The following USP6NL variants were observed in gnomAD, a reference collection of about 807,000 sequenced individuals.
USP6NL encodes USP6 N-terminal like.
In USP6NL, 26 loss-of-function variants were observed where a neutral mutation model predicts 61.9. The observed-to-expected ratio is 0.42, with a 90% CI of 0.31 to 0.58. USP6NL has a LOEUF of 0.58. Ranked by LOEUF, USP6NL falls within the 20% of genes least tolerant of loss-of-function variation. The probability of loss-of-function intolerance (pLI) is 0.16; values close to 1 mark genes in which losing one functional copy is unlikely to be tolerated. For missense variants in USP6NL, 1,114 were observed against 1,034.3 expected, an observed-to-expected ratio of 1.08 and a Z score of -1.06; for synonymous variants, 432 against 390.1, an observed-to-expected ratio of 1.11 and a Z score of -1.27.
chr10:11,548,426 C>G lies in USP6NL; in HGVS notation c.5-20859G>C, dbSNP rs1171663915. Among the ~76,000 whole-genome samples the G allele has an allele frequency of 6.6e-6, 1 of 152,152 alleles. No individual in the cohort carries two copies. Among genetic ancestry groups the G allele is most frequent in the Non-Finnish European group, 1.5e-5 (1 of 68,016 alleles). ...AAATATCTCAGACCTCTCTTAGAAGCTTTCTCAATCTCAATACAGAGCTTG... is the reference window on the plus strand; with the variant it reads ...AAATATCTCAGACCTCTCTTAGAAGGTTTCTCAATCTCAATACAGAGCTTG... On this transcript the variant is annotated intron_variant, in intron 2 of 14. Coordinates refer to ENST00000609104, the MANE Select transcript of USP6NL (RefSeq NM_014688.5). The surrounding 1 kb of genome is among the most constrained non-coding windows in gnomAD (Gnocchi z 4.3).
rs914573119 is a variant in USP6NL at position 11,485,268 on chromosome 10, G to A, written c.760-34C>T. 4 of 1,482,796 alleles carry A rather than the reference G, an allele frequency of 2.7e-6. No homozygotes were observed. In the African/African-American group the frequency reaches 5.7e-5, roughly 21 times the overall value. The allele number at this position is 1,482,796 out of a possible 1,614,324, so 91.9% of individuals were successfully genotyped here. On this transcript the variant is annotated intron_variant, in intron 11 of 14. Transcript: ENST00000609104. The surrounding 1 kb of genome is among the most constrained non-coding windows in gnomAD (Gnocchi z 4.8). ...ACAAAGAGCTCACAATTTATGGATT[G>A]TAGCAAACTAAATTTAACAAAATAA...
At chr10:11,603,807 G>C (rs1838627684) in intron 1 of USP6NL, among the ~76,000 whole-genome samples, 1 of 152,168 alleles carries the variant, frequency 6.6e-6, no homozygotes, top group Non-Finnish European at 1.5e-5. Context: ...CAGAGTGACA[G>C]TCAAGGCTAT....
chr10:11,492,974 C>A, intron 8 of USP6NL, 145 bp downstream of exon 8: 1 of 610,268 alleles, frequency 1.6e-6, no homozygotes, highest in African/African-American at 1.9e-5. Flanking sequence ...TTAAGTTTCA[C>A]ACAACATGGA....
In USP6NL at chr10:11,474,750, G is replaced by A. The variant is rs921446671; in HGVS notation, c.1078+7020C>T. 9.9e-5 allele frequency among the ~76,000 whole-genome samples: 15 copies of A among 151,706 alleles called. No homozygotes were observed. The highest frequency in any genetic ancestry group is 2.9e-4 in the African/African-American group (12 of 41,280). The stretch of plus-strand genomic sequence containing the variant: ...CAAATGACTACTGCAAAGGGCTGCT[G>A]GAAAAAATTAAGTTAATATGTGAAT... On this transcript the variant is annotated intron_variant, in intron 14 of 14. Coordinates refer to ENST00000609104, the MANE Select transcript of USP6NL (RefSeq NM_014688.5). The surrounding 1 kb of genome is among the most constrained non-coding windows in gnomAD (Gnocchi z 4.9).
intron 1 of USP6NL, among the ~76,000 whole-genome samples, chr10:11,610,418 C>A (rs1414332949): frequency 6.6e-6 from 1 of 152,166 alleles, no homozygotes; most frequent in Non-Finnish European, 1.5e-5. Flanking sequence ...AAAAAGAACA[C>A]TGACTTCCCC....
Position 11,516,856 on chromosome 10 carries a change from T to TA in USP6NL, c.195+1678dup, listed in dbSNP as rs548622953. ...TCATTTACTATATAGGCACATCTCT[T>TA]AAAAAACTAATAAAAAATTTTGAAA... is the stretch of plus-strand genomic sequence containing the variant. On this transcript the variant is annotated intron_variant, in intron 5 of 14. Transcript: ENST00000609104. Among the ~76,000 whole-genome samples the TA allele has an allele frequency of 9.8e-5, 15 of 152,306 alleles. No individual in the cohort carries two copies. The East Asian group carries it at 2.3e-3, about 24-fold the overall frequency.
At chr10:11,464,234 T>C (rs1048103659) in intron 14 of USP6NL, among the ~76,000 whole-genome samples, 2 of 152,156 alleles carry the variant, frequency 1.3e-5, no homozygotes, top group Non-Finnish European at 2.9e-5. Flanking sequence ...AACTATAAAA[T>C]ACTAGAGGCT....
At position 11,461,506 on chromosome 10, in the gene USP6NL, A is replaced by G. The variant is rs2096214133; in HGVS notation, c.*935T>C. On this transcript the variant is annotated 3_prime_UTR_variant, in exon 15 of 15. Transcript: ENST00000609104. Reference sequence around the variant, plus strand: ...AGCCATGTGAGTCGAGGCAGAAGAAAGAAGTAACCACACTGCTAATGCAGT... The same window carrying G: ...AGCCATGTGAGTCGAGGCAGAAGAAGGAAGTAACCACACTGCTAATGCAGT... The G allele has an allele frequency of 6.6e-6, 1 of 152,228 alleles. No homozygotes were observed. Among genetic ancestry groups the G allele is most frequent in the Non-Finnish European group, 1.5e-5 (1 of 68,060 alleles). 9.4% of individuals were successfully genotyped at this position (152,228 alleles called of 1,614,324 possible). A position where few individuals can be genotyped will look rare whatever the true frequency, so the allele number is the denominator to read the frequency against.
chr10:11,533,036 C>T (rs989669252), intron 2 of USP6NL, among the ~76,000 whole-genome samples: 1 of 152,198 alleles, frequency 6.6e-6, no homozygotes, highest in Non-Finnish European at 1.5e-5. Context: ...GCAAAAGTAA[C>T]ATCCCTGTTA....
intron 2 of USP6NL, among the ~76,000 whole-genome samples, chr10:11,533,913 T>C (rs2133428421): frequency 1.3e-5 from 2 of 152,282 alleles, no homozygotes; most frequent in South Asian, 4.1e-4. Flanking sequence ...TGACCAAACT[T>C]TGGGCAGGCT....
chr10:11,601,116 C>T (rs1206485857), intron 1 of USP6NL, among the ~76,000 whole-genome samples: 1 of 152,000 alleles, frequency 6.6e-6, no homozygotes, highest in Admixed American at 6.5e-5. Flanking sequence ...TTTCCATCAA[C>T]AAAAGGGTAA....
At chr10:11,484,070 C>T (rs1187977783) in intron 13 of USP6NL, among the ~76,000 whole-genome samples, 3 of 152,122 alleles carry the variant, frequency 2.0e-5, no homozygotes, top group Non-Finnish European at 2.9e-5. Flanking sequence ...ACCCTGTGCA[C>T]TCAATTAGTT....
Position 11,518,486 on chromosome 10 carries a change from A to G in USP6NL, c.195+49T>C. 1.3e-6 allele frequency: 2 copies of G among 1,533,384 alleles called. No individual in the cohort carries two copies. The highest frequency in any genetic ancestry group is 1.8e-6 in the Non-Finnish European group (2 of 1,110,340). 95.0% of individuals were successfully genotyped at this position (1,533,384 alleles called of 1,614,324 possible). ...AAAGGTGGTCAATTTTATTCTTCTA[A>G]TAAAGGCAATTCACCAGTAACTGTA... is the stretch of plus-strand genomic sequence containing the variant. On this transcript the variant is annotated intron_variant, in intron 5 of 14. Coordinates refer to ENST00000609104, the MANE Select transcript of USP6NL (RefSeq NM_014688.5). The surrounding 1 kb of genome is among the most constrained non-coding windows in gnomAD (Gnocchi z 5.3).
chr10:11,475,657 G>T (rs1443271363), intron 14 of USP6NL, among the ~76,000 whole-genome samples: 1 of 144,802 alleles, frequency 6.9e-6, no homozygotes, highest in Non-Finnish European at 1.5e-5. Flanking sequence ...TCACTATTTT[G>T]CAACCTCTGA....
At position 11,511,084 on chromosome 10, in the gene USP6NL, C is replaced by A. The variant is rs1417764779; in HGVS notation, c.196-1409G>T. On this transcript the variant is annotated intron_variant, in intron 5 of 14. Coordinates refer to ENST00000609104, the MANE Select transcript of USP6NL (RefSeq NM_014688.5). This position sits in a 1 kb window ranked among gnomAD's most constrained non-coding sequence, Gnocchi z 4.9. The stretch of plus-strand genomic sequence containing the variant: ...AAGTACATAAAATTCCAAAGAAAAT[C>A]CTGAATTTAGGAAAAGTTATCTCAC... Among the ~76,000 whole-genome samples, 1 of 152,172 alleles carries A rather than the reference C, an allele frequency of 6.6e-6. No individual in the cohort carries two copies. The highest frequency in any genetic ancestry group is 1.5e-5 in the Non-Finnish European group (1 of 68,024).
Position 11,499,211 on chromosome 10 carries a change from A to T in USP6NL, c.384+1890T>A, listed in dbSNP as rs914103678. ...AAAGAGTGGATGAGAAAGGAAAAAAAAGTTGGCTAAATAATGATGCTGGGG... is the reference window on the plus strand; with the variant it reads ...AAAGAGTGGATGAGAAAGGAAAAAATAGTTGGCTAAATAATGATGCTGGGG... On this transcript the variant is annotated intron_variant, in intron 7 of 14. Transcript: ENST00000609104. The surrounding 1 kb of genome is among the most constrained non-coding windows in gnomAD (Gnocchi z 4.5). 6.6e-6 allele frequency among the ~76,000 whole-genome samples: 1 copy of T among 152,152 alleles called. No homozygotes were observed. Among genetic ancestry groups the T allele is most frequent in the Admixed American group, 6.5e-5 (1 of 15,278 alleles).
chr10:11,504,166 T>C (rs1834333979), intron 6 of USP6NL, among the ~76,000 whole-genome samples: 1 of 152,158 alleles, frequency 6.6e-6, no homozygotes, highest in African/African-American at 2.4e-5. Context: ...AATTTTCTAA[T>C]TATGCTGTTT....
rs369017520 is a variant in USP6NL at position 11,463,631 on chromosome 10, G to T, written c.1297C>A (p.Arg433=). 1 of 1,613,776 alleles carries T rather than the reference G, an allele frequency of 6.2e-7. No individual in the cohort carries two copies. The highest frequency in any genetic ancestry group is 8.5e-7 in the Non-Finnish European group (1 of 1,179,878). The part of the protein sequence containing the change: ...GTPERAQPPR[R]KSVEEESKKL... ...TTGCTCTCCTCCTCCACCGATTTCCGTCTTGGCGGCTGTGCTCTCTCGGGC... is the reference window on the plus strand; with the variant it reads ...TTGCTCTCCTCCTCCACCGATTTCCTTCTTGGCGGCTGTGCTCTCTCGGGC... Residue 433 remains arginine (R), a synonymous_variant, in exon 15 of 15, where the codon CGG becomes AGG. Coordinates refer to ENST00000609104, the MANE Select transcript of USP6NL (RefSeq NM_014688.5). The surrounding 1 kb of genome is among the most constrained non-coding windows in gnomAD (Gnocchi z 6.3).
chr10:11,563,582 G>A (rs904466905), intron 2 of USP6NL: 18 of 151,852 alleles, frequency 1.2e-4, no homozygotes, highest in South Asian at 4.2e-4. Flanking sequence ...GGGATTTCTC[G>A]GTACTGTTTT....
Sources: allele counts gnomAD v4.1 joint callset (sites outside exome capture counted in the v4.1 genomes callset), GRCh38; gene constraint gnomAD v4.1.1; non-coding constraint Gnocchi (gnomAD v3.1); transcripts MANE v1.5; gene names NCBI Gene and HGNC (gene_info 2026-07-23, HGNC 2026-07-21).